Variants in EEFSEC observed in about 807,000 individuals in gnomAD.
EEFSEC encodes the protein selenocysteine-specific elongation factor.
EEFSEC carries 43 observed loss-of-function variants against 42.1 expected under a neutral mutation model. That is an observed-to-expected ratio of 1.02 (90% CI 0.80 to 1.32). The LOEUF is 1.32. Ranked by LOEUF, EEFSEC falls within the 40% of genes most tolerant of loss-of-function variation. The pLI is 0.00. For synonymous variants in EEFSEC, 354 were observed against 339.1 expected, an observed-to-expected ratio of 1.04 and a Z score of -0.48; for missense variants, 745 against 803.6, an observed-to-expected ratio of 0.93 and a Z score of 0.88.
chr3:128,262,299 C>A (rs2066306859), intron 3 of EEFSEC, 75 bp downstream of exon 3: 1 of 1,332,478 alleles, frequency 7.5e-7, no homozygotes, highest in Non-Finnish European at 1.1e-6. Flanking sequence ...TCCCTCTCTC[C>A]CCTGAGAGAG....
At chr3:128,422,468 A>T in the EEFSEC span, among the ~76,000 whole-genome samples, 5 of 152,140 alleles carry the variant, frequency 3.3e-5, no homozygotes, top group Admixed American at 6.5e-5. Context: ...GGTTTCCCAC[A>T]TGGGCCCTTG....
intron 1 of EEFSEC, among the ~76,000 whole-genome samples, chr3:128,179,241 C>T (rs1006163822): frequency 6.6e-5 from 10 of 151,982 alleles, no homozygotes; most frequent in South Asian, 2.1e-4. Context: ...TCTGTGCAGG[C>T]GAAATGTGAG....
intron 5 of EEFSEC, among the ~76,000 whole-genome samples, chr3:128,352,684 C>CTGAGGGAGTCCTAAGGGAGGGA (rs2067403062): frequency 6.6e-6 from 1 of 152,210 alleles, no homozygotes; most frequent in Non-Finnish European, 1.5e-5. Flanking sequence ...TGTGGTGTGT[C>CTGAGGGAGTCCTAAGGGAGGGA]TGAGGGAGTC....
chr3:128,381,473 G>T (rs773336098), intron 6 of EEFSEC, among the ~76,000 whole-genome samples: 3 of 152,248 alleles, frequency 2.0e-5, no homozygotes, highest in African/African-American at 7.2e-5. Context: ...GTCTCATGAG[G>T]CAAGAACAGG....
chr3:128,259,039 C>T (rs1230509125), intron 2 of EEFSEC, among the ~76,000 whole-genome samples: 1 of 152,170 alleles, frequency 6.6e-6, no homozygotes, highest in Non-Finnish European at 1.5e-5. Context: ...ACTTTTAGGA[C>T]CCTCTTCTAT....
At chr3:128,366,235 G>A (rs1472172791) in intron 6 of EEFSEC, among the ~76,000 whole-genome samples, 1 of 152,242 alleles carries the variant, frequency 6.6e-6, no homozygotes, top group Non-Finnish European at 1.5e-5. Context: ...CTAAGAAATG[G>A]CCAGGGGCAT....
intron 6 of EEFSEC, among the ~76,000 whole-genome samples, chr3:128,404,869 A>G (rs1472002991): frequency 6.6e-6 from 1 of 152,050 alleles, no homozygotes. Context: ...TATCAGCTGC[A>G]TGTCCTCAGT....
chr3:128,368,869 G>A (rs2067621600), intron 6 of EEFSEC, among the ~76,000 whole-genome samples: 1 of 152,240 alleles, frequency 6.6e-6, no homozygotes, highest in Non-Finnish European at 1.5e-5. Context: ...AAAACCCAAG[G>A]GGCTGGGCCC....
chr3:128,221,097 A>G (rs1245805537), intron 1 of EEFSEC, among the ~76,000 whole-genome samples: 3 of 152,226 alleles, frequency 2.0e-5, no homozygotes, highest in Non-Finnish European at 1.5e-5. Context: ...CCACACTTGC[A>G]CCTTGCAATT....
rs141961782 is a variant in EEFSEC at position 128,218,474 on chromosome 3, G to A, written c.317-28362G>A. ...ATGCGGCTAGCTTTCTGGGCCAAGC[G>A]CAGTGTCCATGTCTTAGAGTGGACT... On this transcript the variant is annotated intron_variant, in intron 1 of 6. Coordinates refer to ENST00000254730, the MANE Select transcript of EEFSEC (RefSeq NM_021937.5). 1.6e-4 allele frequency among the ~76,000 whole-genome samples: 24 copies of A among 152,318 alleles called. 1 individual carries two copies. The East Asian group carries it at 3.3e-3, about 21-fold the overall frequency.
rs147710506 is a variant in EEFSEC at position 128,322,016 on chromosome 3, A to G, written c.787-19217A>G. Among the ~76,000 whole-genome samples, 177 of 152,276 alleles carry G rather than the reference A, an allele frequency of 1.2e-3. No homozygotes were observed. In the South Asian group the frequency reaches 0.016, roughly 14 times the overall value. ...CAGCAGTGCTCGTTCACACAGCAGC[A>G]CCGCTCCTCTCTGTCCCCTCACTGA... On this transcript the variant is annotated intron_variant, in intron 4 of 6. Transcript: ENST00000254730.
At chr3:128,208,783 A>G (rs2065726319) in intron 1 of EEFSEC, among the ~76,000 whole-genome samples, 1 of 152,224 alleles carries the variant, frequency 6.6e-6, no homozygotes, top group Non-Finnish European at 1.5e-5. Context: ...GGGGCCTGTG[A>G]GAACTGCGAC....
intron 1 of EEFSEC, among the ~76,000 whole-genome samples, chr3:128,204,295 A>G (rs1316007151): frequency 1.3e-5 from 2 of 152,214 alleles, no homozygotes; most frequent in African/African-American, 2.4e-5. Context: ...TATGACAGTC[A>G]TTGTAAGGAT....
downstream of EEFSEC, among the ~76,000 whole-genome samples, chr3:128,411,672 G>T (rs779335026): frequency 1.3e-5 from 2 of 152,314 alleles, no homozygotes; most frequent in South Asian, 4.1e-4. Flanking sequence ...GCAGGCCCCC[G>T]ACCAGCAGGG....
At chr3:128,192,214 G>A (rs1028909092) in intron 1 of EEFSEC, among the ~76,000 whole-genome samples, 1 of 152,130 alleles carries the variant, frequency 6.6e-6, no homozygotes, top group Non-Finnish European at 1.5e-5. Flanking sequence ...ACTTCACTCC[G>A]GGTCTCAACC....
chr3:128,156,142 G>A lies in EEFSEC; in HGVS notation c.316+2319G>A, dbSNP rs186817435. 7.2e-4 allele frequency among the ~76,000 whole-genome samples: 110 copies of A among 152,280 alleles called. 1 individual carries two copies. The highest frequency in any genetic ancestry group is 1.1e-3 in the Non-Finnish European group (76 of 68,032). On this transcript the variant is annotated intron_variant, in intron 1 of 6. Coordinates refer to ENST00000254730, the MANE Select transcript of EEFSEC (RefSeq NM_021937.5). ...ATACTTTTGGAGTCAGACAAAACTG[G>A]GCTTGAAGCCTAGCTTGCTTTCTTC... is the stretch of plus-strand genomic sequence containing the variant.
chr3:128,244,744 A>T (rs1037720345), intron 1 of EEFSEC, among the ~76,000 whole-genome samples: 8 of 152,166 alleles, frequency 5.3e-5, no homozygotes, highest in Admixed American at 3.9e-4. Flanking sequence ...CGAAGCAAAT[A>T]CTTATGCAGT....
At chr3:128,412,646 C>A (rs1372198743), downstream of EEFSEC, among the ~76,000 whole-genome samples, 2 of 152,230 alleles carry the variant, frequency 1.3e-5, no homozygotes, top group African/African-American at 4.8e-5. Context: ...GCTCCAGACC[C>A]CCCAGCCCCT....
chr3:128,352,991 T>C (rs1267426831), intron 5 of EEFSEC, among the ~76,000 whole-genome samples: 1 of 152,256 alleles, frequency 6.6e-6, no homozygotes, highest in Non-Finnish European at 1.5e-5. Context: ...CCCATTTTTT[T>C]CCAGTTATGG....
Sources: gnomAD v4.1 joint callset for allele counts (sites outside exome capture counted in the v4.1 genomes callset) on GRCh38, gnomAD v4.1.1 for gene constraint, MANE v1.5 for transcripts, NCBI Gene and HGNC (gene_info 2026-07-23, HGNC 2026-07-21) for gene names.